LRP1B: variants seen among roughly 807,000 people sequenced by gnomAD.
LRP1B encodes the protein low-density lipoprotein receptor-related protein 1B.
A neutral mutation model predicts 556.6 loss-of-function variants in LRP1B; 217 were observed. The ratio of observed to expected loss-of-function variants is 0.39; its 90% CI spans 0.35 to 0.44. The LOEUF (loss-of-function observed/expected upper bound fraction) is 0.44. Among genes scored for constraint, LRP1B ranks in the 20% least tolerant of loss-of-function variants. The pLI, the probability that LRP1B is intolerant of heterozygous loss-of-function variation, is 1.00. For synonymous variants in LRP1B, 2,047 were observed against 1,865.8 expected, an observed-to-expected ratio of 1.10 and a Z score of -2.50; for missense variants, 5,053 against 5,620.8, an observed-to-expected ratio of 0.90 and a Z score of 3.23.
chr2:141,488,518 G>T (rs1683200386), intron 2 of LRP1B, among the ~76,000 whole-genome samples: 1 of 151,992 alleles, frequency 6.6e-6, no homozygotes, highest in African/African-American at 2.4e-5. Context: ...ACTTCTTTTG[G>T]CACGAAAACA....
chr2:141,477,957 T>C (rs1259764144), intron 3 of LRP1B, among the ~76,000 whole-genome samples: 2 of 28,668 alleles, frequency 7.0e-5, no homozygotes, highest in South Asian at 3.3e-3. Context: ...CTAAACCTCC[T>C]ACTGGCAAAA....
intron 3 of LRP1B, among the ~76,000 whole-genome samples, chr2:141,432,275 G>T: frequency 6.6e-6 from 1 of 151,944 alleles, no homozygotes; most frequent in Non-Finnish European, 1.5e-5. Flanking sequence ...AACCAGCTTT[G>T]CATTTCTCGA....
chr2:141,102,911 A>C (rs1454076768), intron 7 of LRP1B, among the ~76,000 whole-genome samples: 2 of 152,176 alleles, frequency 1.3e-5, no homozygotes, highest in Non-Finnish European at 2.9e-5. Flanking sequence ...CTTCTTAAAC[A>C]TCAGCACCAA....
chr2:142,000,612 G>T (rs1301159748), intron 1 of LRP1B, among the ~76,000 whole-genome samples: 1 of 151,948 alleles, frequency 6.6e-6, no homozygotes, highest in African/African-American at 2.4e-5. Flanking sequence ...TTAAAATTAG[G>T]GTCTGTGTCC....
At chr2:140,866,439 A>T (rs537087207) in intron 27 of LRP1B, among the ~76,000 whole-genome samples, 14 of 152,050 alleles carry the variant, frequency 9.2e-5, no homozygotes, top group African/African-American at 3.4e-4. Flanking sequence ...TAATGTCCTC[A>T]TGCTTTTTAG....
intron 3 of LRP1B, among the ~76,000 whole-genome samples, chr2:141,469,515 G>A (rs1044587498): frequency 6.6e-6 from 1 of 152,010 alleles, no homozygotes; most frequent in Non-Finnish European, 1.5e-5. Context: ...TATGGCTCAT[G>A]GAATAAGGTC....
At chr2:141,811,294 T>C (rs1193461671) in intron 1 of LRP1B, among the ~76,000 whole-genome samples, 1 of 152,064 alleles carries the variant, frequency 6.6e-6, no homozygotes. Flanking sequence ...GGTAATTTTG[T>C]TGTATGTATA....
chr2:140,310,353 C>G (rs1157568087), intron 83 of LRP1B, among the ~76,000 whole-genome samples: 2 of 145,380 alleles, frequency 1.4e-5, no homozygotes, highest in African/African-American at 5.1e-5. Flanking sequence ...CAATTTCTAT[C>G]AAAATACCAA....
intron 86 of LRP1B, among the ~76,000 whole-genome samples, chr2:140,258,108 A>G (rs1294199394): frequency 6.6e-6 from 1 of 152,182 alleles, no homozygotes; most frequent in Non-Finnish European, 1.5e-5. Context: ...ACGTGTTGCA[A>G]CAAAGGCTTC....
intron 31 of LRP1B, among the ~76,000 whole-genome samples, chr2:140,825,720 CAG>C (rs1473643177): frequency 4.6e-5 from 7 of 151,656 alleles, no homozygotes; most frequent in Non-Finnish European, 8.8e-5. Context: ...TTTTCTTTAA[CAG>C]AGCTCGTATT....
At chr2:140,884,800 C>G (rs1693584914) in intron 24 of LRP1B, among the ~76,000 whole-genome samples, 1 of 152,140 alleles carries the variant, frequency 6.6e-6, no homozygotes, top group Admixed American at 6.5e-5. Context: ...GCAGCCTCAA[C>G]TTCCAGGGCT....
chr2:141,335,488 A>C (rs1402495667), intron 3 of LRP1B, among the ~76,000 whole-genome samples: 5 of 152,210 alleles, frequency 3.3e-5, no homozygotes, highest in African/African-American at 1.2e-4. Context: ...TCTGCCATCA[A>C]AGATATTTGG....
intron 84 of LRP1B, among the ~76,000 whole-genome samples, chr2:140,288,823 TA>T (rs1277492830): frequency 6.6e-6 from 1 of 151,888 alleles, no homozygotes; most frequent in Non-Finnish European, 1.5e-5. Flanking sequence ...TTTTTCAACC[TA>T]CAACTAAGTG....
At chr2:141,918,849 C>T (rs1408783591) in intron 1 of LRP1B, among the ~76,000 whole-genome samples, 1 of 152,082 alleles carries the variant, frequency 6.6e-6, no homozygotes, top group African/African-American at 2.4e-5. Flanking sequence ...CTATCCATGG[C>T]CCCTGTTCTT....
At chr2:141,179,892 C>CTTT (rs11433781) in intron 7 of LRP1B, among the ~76,000 whole-genome samples, 18 of 125,996 alleles carry the variant, frequency 1.4e-4, no homozygotes, top group African/African-American at 2.6e-4. Context: ...TTGGTTTTTC[C>CTTT]TTTTTTTTTT....
chr2:142,004,554 C>T (rs1365961408), intron 1 of LRP1B, among the ~76,000 whole-genome samples: 1 of 151,568 alleles, frequency 6.6e-6, no homozygotes, highest in South Asian at 2.1e-4. Flanking sequence ...TATTTGAAAA[C>T]ACAATTGTCA....
chr2:140,675,101 T>C (rs1481930266), intron 41 of LRP1B, among the ~76,000 whole-genome samples: 1 of 152,256 alleles, frequency 6.6e-6, no homozygotes, highest in Non-Finnish European at 1.5e-5. Flanking sequence ...CACTGCCTTT[T>C]GACTCATGTG....
intron 7 of LRP1B, among the ~76,000 whole-genome samples, chr2:141,143,489 C>T (rs538734799): frequency 6.6e-6 from 1 of 152,054 alleles, no homozygotes; most frequent in Non-Finnish European, 1.5e-5. Context: ...CTCTTAATAC[C>T]CCATGAAGAC....
intron 3 of LRP1B, among the ~76,000 whole-genome samples, chr2:141,341,258 T>TCTGAATA (rs1432944286): frequency 6.6e-6 from 1 of 152,210 alleles, no homozygotes; most frequent in East Asian, 1.9e-4. Flanking sequence ...ATTCTGAGCA[T>TCTGAATA]CTGAATACTG....
Sources: gnomAD v4.1 joint callset for allele counts (sites outside exome capture counted in the v4.1 genomes callset) on GRCh38, gnomAD v4.1.1 for gene constraint, MANE v1.5 for transcripts, NCBI Gene and HGNC (gene_info 2026-07-23, HGNC 2026-07-21) for gene names.